The following NTM variants were observed in gnomAD, a reference collection of about 807,000 sequenced individuals.
The protein encoded by NTM is neurotrimin.
Under a neutral mutation model 42.1 loss-of-function variants are expected in NTM, and 13 were observed. The ratio of observed to expected loss-of-function variants is 0.31; its 90% CI spans 0.20 to 0.49. The LOEUF is 0.49. Among genes scored for constraint, NTM ranks in the 20% least tolerant of loss-of-function variants. The pLI, the probability that NTM is intolerant of heterozygous loss-of-function variation, is 0.99. For synonymous variants in NTM, 187 were observed against 179.2 expected (o/e 1.04, Z -0.35); for missense variants, 373 against 452.8 (o/e 0.82, Z 1.60).
At chr11:131,973,243 T>C (rs2063815820) in intron 2 of NTM, among the ~76,000 whole-genome samples, 1 of 152,214 alleles carries the variant, frequency 6.6e-6, no homozygotes, top group Admixed American at 6.5e-5. Context: ...TGCATCCAGT[T>C]CTTCCAATAG....
Position 131,880,315 on chromosome 11 carries a change from A to G in NTM, c.83-31249A>G, listed in dbSNP as rs1592505565. On this transcript the variant is annotated intron_variant, in intron 1 of 8. Coordinates refer to ENST00000683400, the MANE Select transcript of NTM (RefSeq NM_001352005.2). ...AACTCCTAGTCATGCTCAGTTCCACAGCAAACAGACCTGGATCTAATGCTG... is the reference window on the plus strand; with the variant it reads ...AACTCCTAGTCATGCTCAGTTCCACGGCAAACAGACCTGGATCTAATGCTG... Among the ~76,000 whole-genome samples the G allele has an allele frequency of 3.3e-5, 5 of 152,238 alleles. No individual in the cohort carries two copies. The South Asian group carries it at 1.0e-3, about 31-fold the overall frequency.
chr11:131,838,141 A>G (rs1457841075), intron 1 of NTM, among the ~76,000 whole-genome samples: 1 of 152,110 alleles, frequency 6.6e-6, no homozygotes, highest in Non-Finnish European at 1.5e-5. Context: ...TTTTTACATC[A>G]GGTAAAAACC....
At chr11:131,431,271 T>C (rs1948629630) in intron 1 of NTM, among the ~76,000 whole-genome samples, 1 of 152,102 alleles carries the variant, frequency 6.6e-6, no homozygotes, top group African/African-American at 2.4e-5. Context: ...GGGAAGGTAT[T>C]TGACATTGTG....
At chr11:131,770,628 A>G (rs1256900444) in intron 1 of NTM, among the ~76,000 whole-genome samples, 1 of 152,190 alleles carries the variant, frequency 6.6e-6, no homozygotes, top group Non-Finnish European at 1.5e-5. Flanking sequence ...TCTGTTGATG[A>G]AGATGATAGC....
At chr11:131,838,173 C>A (rs763469118) in intron 1 of NTM, among the ~76,000 whole-genome samples, 4 of 152,098 alleles carry the variant, frequency 2.6e-5, no homozygotes, top group Non-Finnish European at 5.9e-5. Context: ...TCGGTTCCAG[C>A]ATCACGGATG....
chr11:132,264,905 T>C (rs1361657330), intron 4 of NTM, among the ~76,000 whole-genome samples: 1 of 152,148 alleles, frequency 6.6e-6, no homozygotes, highest in East Asian at 1.9e-4. Context: ...TCCCTTCTCT[T>C]CTTATAAAGC....
intron 2 of NTM, among the ~76,000 whole-genome samples, chr11:132,042,568 C>G (rs1057487682): frequency 2.0e-5 from 3 of 152,302 alleles, no homozygotes; most frequent in African/African-American, 7.2e-5. Flanking sequence ...AAGGCTCTCG[C>G]TGTTGGGCAC....
chr11:131,564,220 T>C (rs2056590041), intron 1 of NTM, among the ~76,000 whole-genome samples: 1 of 152,244 alleles, frequency 6.6e-6, no homozygotes, highest in South Asian at 2.1e-4. Flanking sequence ...CCCTCTTTCT[T>C]TCATCCTGGT....
chr11:132,202,744 C>T (rs1193965609), intron 3 of NTM, among the ~76,000 whole-genome samples: 5 of 152,160 alleles, frequency 3.3e-5, no homozygotes, highest in South Asian at 2.1e-4. Context: ...GACTAAAACT[C>T]GGTCAAGAGG....
chr11:131,845,647 G>A (rs1400655502), intron 1 of NTM, among the ~76,000 whole-genome samples: 2 of 150,138 alleles, frequency 1.3e-5, no homozygotes, highest in African/African-American at 4.9e-5. Flanking sequence ...TCTCTGGAAC[G>A]TAAACCAACT....
intron 1 of NTM, among the ~76,000 whole-genome samples, chr11:131,489,509 G>A (rs1954541978): frequency 6.6e-6 from 1 of 152,110 alleles, no homozygotes; most frequent in Non-Finnish European, 1.5e-5. Context: ...TGATTTCCAG[G>A]ACTTCTTTTG....
At chr11:131,704,454 C>T (rs542491617) in intron 1 of NTM, among the ~76,000 whole-genome samples, 1 of 152,290 alleles carries the variant, frequency 6.6e-6, no homozygotes, top group South Asian at 2.1e-4. Context: ...ATGGCCCCAC[C>T]CAAAATCTCT....
In NTM at chr11:131,799,739, T is replaced by C. The variant is rs146266151; in HGVS notation, c.83-111825T>C. ...AGGGGTGGGCACAGGAGAGGACCTA[T>C]AAGAAGGGAGCAACATGAGAAATAG... On this transcript the variant is annotated intron_variant, in intron 1 of 8. Transcript: ENST00000683400. 2.3e-3 allele frequency among the ~76,000 whole-genome samples: 356 copies of C among 152,266 alleles called. 1 individual carries two copies. Among genetic ancestry groups the C allele is most frequent in the African/African-American group, 8.3e-3 (343 of 41,566 alleles).
rs572689789 is a variant in NTM, at chr11:132,274,142, C to A, written c.527-33547C>A. ...TTCTTTTGTTTTTTTCTTTGTTCAGCCTTAGTAAAGCCTTGTCAAATAACC... is the reference window on the plus strand; with the variant it reads ...TTCTTTTGTTTTTTTCTTTGTTCAGACTTAGTAAAGCCTTGTCAAATAACC... On this transcript the variant is annotated intron_variant, in intron 4 of 8. Coordinates refer to ENST00000683400, the MANE Select transcript of NTM (RefSeq NM_001352005.2). Among the ~76,000 whole-genome samples, 9 of 151,884 alleles carry A rather than the reference C, an allele frequency of 5.9e-5. No homozygotes were observed. The East Asian group carries it at 1.5e-3, about 26-fold the overall frequency.
intron 1 of NTM, among the ~76,000 whole-genome samples, chr11:131,426,329 T>G (rs1162231679): frequency 6.6e-6 from 1 of 151,850 alleles, no homozygotes; most frequent in East Asian, 1.9e-4. Context: ...GTGGGAAGGG[T>G]GGCTGCACAG....
At chr11:131,501,397 G>C (rs2046813619) in intron 1 of NTM, among the ~76,000 whole-genome samples, 1 of 152,174 alleles carries the variant, frequency 6.6e-6, no homozygotes, top group Non-Finnish European at 1.5e-5. Flanking sequence ...AGCCAGGGGA[G>C]AATGTTCCAG....
chr11:131,752,481 C>T (rs1197649783), intron 1 of NTM, among the ~76,000 whole-genome samples: 3 of 152,116 alleles, frequency 2.0e-5, no homozygotes, highest in Non-Finnish European at 4.4e-5. Flanking sequence ...GTCAGTGTGG[C>T]GATTCCTCAG....
intron 3 of NTM, among the ~76,000 whole-genome samples, chr11:132,209,496 T>C (rs964858819): frequency 1.3e-5 from 2 of 152,228 alleles, no homozygotes; most frequent in Non-Finnish European, 2.9e-5. Flanking sequence ...GATTAACTGT[T>C]GCTTACTCTG....
intron 1 of NTM, among the ~76,000 whole-genome samples, chr11:131,571,751 C>T (rs2057459890): frequency 6.6e-6 from 1 of 152,204 alleles, no homozygotes; most frequent in East Asian, 1.9e-4. Flanking sequence ...ACAGATCCCA[C>T]AGCACAGAAG....
Sources: allele counts gnomAD v4.1 joint callset (sites outside exome capture counted in the v4.1 genomes callset), GRCh38; gene constraint gnomAD v4.1.1; transcripts MANE v1.5; gene names NCBI Gene and HGNC (gene_info 2026-07-23, HGNC 2026-07-21).